CNTNAP2: variants seen among roughly 807,000 people sequenced by gnomAD.
CNTNAP2 encodes the protein contactin-associated protein-like 2.
A neutral mutation model predicts 155.2 loss-of-function variants in CNTNAP2; 98 were observed. The observed-to-expected ratio is 0.63, with a 90% CI of 0.54 to 0.75. CNTNAP2 has a LOEUF of 0.75. Among genes scored for constraint, CNTNAP2 ranks in the 30% least tolerant of loss-of-function variants. CNTNAP2 has a pLI of 0.00. For synonymous variants in CNTNAP2, 651 were observed against 631.2 expected (o/e 1.03, Z -0.47); for missense variants, 1,727 against 1,688.1 (o/e 1.02, Z -0.40).
chr7:147,806,432 A>C (rs532231376), intron 13 of CNTNAP2, among the ~76,000 whole-genome samples: 1 of 152,262 alleles, frequency 6.6e-6, no homozygotes, highest in Non-Finnish European at 1.5e-5. Flanking sequence ...AAACAGCATA[A>C]AGGTTTCTCA....
At chr7:147,113,135 A>G (rs575482774) in intron 5 of CNTNAP2, among the ~76,000 whole-genome samples, 60 of 152,122 alleles carry the variant, frequency 3.9e-4, no homozygotes, top group African/African-American at 1.4e-3. Flanking sequence ...TGTGTCCAGA[A>G]ATTTTCCATT....
At chr7:147,927,827 G>A (rs1800424051) in intron 14 of CNTNAP2, among the ~76,000 whole-genome samples, 1 of 152,174 alleles carries the variant, frequency 6.6e-6, no homozygotes, top group Admixed American at 6.5e-5. Flanking sequence ...GGAAATTAGT[G>A]CAATGGCCGA....
chr7:147,702,774 C>A (rs948622149), intron 13 of CNTNAP2, among the ~76,000 whole-genome samples: 8 of 151,910 alleles, frequency 5.3e-5, no homozygotes, highest in Non-Finnish European at 1.0e-4. Flanking sequence ...CCACAGAGGG[C>A]CCCAAGTTCA....
chr7:148,207,835 C>T (rs1388646001), intron 18 of CNTNAP2, among the ~76,000 whole-genome samples: 6 of 152,134 alleles, frequency 3.9e-5, no homozygotes, highest in South Asian at 4.1e-4. Context: ...TGGTGGCTCA[C>T]GCTTGTAATC....
At position 148,213,176 on chromosome 7, in the gene CNTNAP2, G is replaced by A. The variant is rs182189423; in HGVS notation, c.3011-4112G>A. Among the ~76,000 whole-genome samples, 73 of 152,238 alleles carry A rather than the reference G, an allele frequency of 4.8e-4. 2 individuals are homozygous for A. Among genetic ancestry groups the A allele is most frequent in the African/African-American group, 1.4e-3 (60 of 41,546 alleles). ...GCATCTCACACCCTTGTGCGCATAA[G>A]TATCACCTGGGGACCTGCGAAAAAT... On this transcript the variant is annotated intron_variant, in intron 18 of 23. Transcript: ENST00000361727.
intron 14 of CNTNAP2, among the ~76,000 whole-genome samples, chr7:147,919,795 C>T (rs1481934651): frequency 1.3e-5 from 2 of 151,322 alleles, no homozygotes; most frequent in African/African-American, 4.8e-5. Context: ...CCGCGTTGCT[C>T]AGGCCAGTCT....
At chr7:146,906,489 T>G (rs1259374238) in intron 3 of CNTNAP2, among the ~76,000 whole-genome samples, 1 of 151,818 alleles carries the variant, frequency 6.6e-6, no homozygotes, top group African/African-American at 2.4e-5. Context: ...AGTGGGTCCC[T>G]GACCCCTGAC....
intron 5 of CNTNAP2, among the ~76,000 whole-genome samples, chr7:147,112,604 C>T (rs913730399): frequency 4.6e-5 from 7 of 152,216 alleles, no homozygotes; most frequent in Admixed American, 3.3e-4. Flanking sequence ...TATTCAAGAA[C>T]TTTTCTGCAT....
intron 11 of CNTNAP2, among the ~76,000 whole-genome samples, chr7:147,560,060 T>A (rs796618489): frequency 2.3e-4 from 35 of 149,812 alleles, no homozygotes; most frequent in African/African-American, 8.6e-4. Context: ...CCCAGCTACT[T>A]GGGAGGCTGA....
chr7:148,063,620 CAGGTAGTGTTTAGTTACA>C (rs1202366989), intron 15 of CNTNAP2, among the ~76,000 whole-genome samples: 2 of 150,322 alleles, frequency 1.3e-5, no homozygotes, highest in African/African-American at 2.4e-5. Flanking sequence ...TTTTGGGGAA[CAGGTAGTGTTTAGTTACA>C]TGGAAAACTT....
intron 6 of CNTNAP2, chr7:147,122,583 T>A (rs535925600): frequency 2.2e-4 from 33 of 152,336 alleles, no homozygotes; most frequent in African/African-American, 7.7e-4. Flanking sequence ...CCACTTTTAC[T>A]CTACATGATA....
rs1001409902 is a variant in CNTNAP2, at chr7:147,602,787, A to G, written c.1898-36319A>G. On this transcript the variant is annotated intron_variant, in intron 12 of 23. Coordinates refer to ENST00000361727, the MANE Select transcript of CNTNAP2 (RefSeq NM_014141.6). ...AGTTTACTGAGAATGATGATTTCCAATTTCATCCATGCCCCTACAAAGGAC... is the reference window on the plus strand; with the variant it reads ...AGTTTACTGAGAATGATGATTTCCAGTTTCATCCATGCCCCTACAAAGGAC... 3.9e-5 allele frequency among the ~76,000 whole-genome samples: 6 copies of G among 151,906 alleles called. No individual in the cohort carries two copies. In the South Asian group the frequency reaches 6.2e-4, roughly 16 times the overall value.
intron 3 of CNTNAP2, among the ~76,000 whole-genome samples, chr7:146,951,679 C>T (rs770366922): frequency 1.1e-4 from 16 of 152,154 alleles, no homozygotes; most frequent in Non-Finnish European, 1.5e-4. Flanking sequence ...CAGTACCATG[C>T]TGTTTTGGTT....
chr7:146,497,342 A>G (rs1440765617), intron 1 of CNTNAP2, among the ~76,000 whole-genome samples: 1 of 152,184 alleles, frequency 6.6e-6, no homozygotes, highest in African/African-American at 2.4e-5. Context: ...TGTGGTTTGT[A>G]TAATCATTTT....
chr7:146,641,019 G>C (rs13235730), intron 1 of CNTNAP2, among the ~76,000 whole-genome samples: 8,263 of 152,186 alleles, frequency 0.054, 328 homozygotes, highest in Non-Finnish European at 0.088. Context: ...CCTTCCAATA[G>C]TTTGCAATTG....
At chr7:147,588,594 C>T (rs1326033218) in intron 12 of CNTNAP2, among the ~76,000 whole-genome samples, 2 of 152,050 alleles carry the variant, frequency 1.3e-5, no homozygotes, top group Non-Finnish European at 2.9e-5. Flanking sequence ...GCTTTTTTCT[C>T]TATATTGATA....
At chr7:147,123,369 A>G (rs1227035279) in intron 6 of CNTNAP2, among the ~76,000 whole-genome samples, 1 of 152,230 alleles carries the variant, frequency 6.6e-6, no homozygotes, top group Non-Finnish European at 1.5e-5. Context: ...CCAAATTAAA[A>G]ATTTGGGGTC....
intron 3 of CNTNAP2, among the ~76,000 whole-genome samples, chr7:146,941,342 A>G (rs1797052047): frequency 6.6e-6 from 1 of 152,076 alleles, no homozygotes; most frequent in African/African-American, 2.4e-5. Context: ...AGCAAAAGCA[A>G]CTTATCTTTG....
intron 11 of CNTNAP2, among the ~76,000 whole-genome samples, chr7:147,528,214 G>A (rs970317073): frequency 3.9e-5 from 6 of 152,198 alleles, no homozygotes; most frequent in Admixed American, 6.5e-5. Context: ...AATTGTGGCT[G>A]AACTCAGAAG....
Sources: allele counts gnomAD v4.1 joint callset (sites outside exome capture counted in the v4.1 genomes callset), GRCh38; gene constraint gnomAD v4.1.1; transcripts MANE v1.5; gene names NCBI Gene and HGNC (gene_info 2026-07-23, HGNC 2026-07-21).